The following ZC3H3 variants were observed in gnomAD, a reference collection of about 807,000 sequenced individuals.
The protein encoded by ZC3H3 is zinc finger CCCH-type containing 3, also known as zinc finger CCCH domain-containing protein 3.
In ZC3H3, 36 loss-of-function variants were observed where a neutral mutation model predicts 77.3. That is an observed-to-expected ratio of 0.47 (90% confidence interval 0.36 to 0.61). The LOEUF is 0.61. Ranked by LOEUF, ZC3H3 falls within the 20% of genes least tolerant of loss-of-function variation. The pLI, the probability that ZC3H3 is intolerant of heterozygous loss-of-function variation, is 0.00. For missense variants in ZC3H3, 1,331 were observed against 1,312.2 expected, an observed-to-expected ratio of 1.01 and a Z score of -0.22; for synonymous variants, 626 against 555.2, an observed-to-expected ratio of 1.13 and a Z score of -1.79.
At position 143,538,815 on chromosome 8, in the gene ZC3H3, A is replaced by G; in HGVS notation, c.552T>C (p.Ser184=). Residue 184 remains serine (S), a synonymous_variant, in exon 2 of 12, where the codon AGT becomes AGC. Transcript: ENST00000262577. ...GGCAGACCAGAAGAGGATCTTCCAC[A>G]CTGCAGGTCCCCCTGGCTCTTGTTG... is the stretch of plus-strand genomic sequence containing the variant. ...SRPTRARGTC[S]VEDPLLVCQK... is the part of the protein sequence containing the mutation. 2 of 1,612,282 alleles carry G rather than the reference A, an allele frequency of 1.2e-6. No homozygotes were observed. Among genetic ancestry groups the G allele is most frequent in the South Asian group, 1.1e-5 (1 of 91,026 alleles).
At chr8:143,463,879 C>G (rs557762880) in intron 9 of ZC3H3, among the ~76,000 whole-genome samples, 2 of 152,358 alleles carry the variant, frequency 1.3e-5, no homozygotes, top group South Asian at 2.1e-4. Context: ...CCGTGGCCCC[C>G]CAAAAGGGGA....
intron 5 of ZC3H3, among the ~76,000 whole-genome samples, chr8:143,473,066 G>A (rs1283382729): frequency 6.6e-6 from 1 of 152,210 alleles, no homozygotes; most frequent in African/African-American, 2.4e-5. Context: ...TCTCGCGTAC[G>A]TCAGGACATC....
intron 3 of ZC3H3, among the ~76,000 whole-genome samples, chr8:143,523,213 T>TGGACCACCTGGCC (rs1822306002): frequency 6.6e-6 from 1 of 152,152 alleles, no homozygotes; most frequent in African/African-American, 2.4e-5. Context: ...AGACCCTGGC[T>TGGACCACCTGGCC]GGACCACCTG....
chr8:143,486,279 C>A (rs1821050335), intron 4 of ZC3H3, among the ~76,000 whole-genome samples: 1 of 152,276 alleles, frequency 6.6e-6, no homozygotes, highest in African/African-American at 2.4e-5. Context: ...GGCTGCCTGG[C>A]TGCTGCCATG....
chr8:143,449,350 A>C (rs1819932171), intron 9 of ZC3H3, among the ~76,000 whole-genome samples: 1 of 152,208 alleles, frequency 6.6e-6, no homozygotes, highest in Non-Finnish European at 1.5e-5. Flanking sequence ...GCTTGAGGTC[A>C]TTTCTTTGCT....
At chr8:143,454,381 G>A (rs987317926) in intron 9 of ZC3H3, among the ~76,000 whole-genome samples, 3 of 150,956 alleles carry the variant, frequency 2.0e-5, no homozygotes, top group Non-Finnish European at 4.4e-5. Flanking sequence ...GTGAGCCATC[G>A]TGCCTGGCCA....
intron 9 of ZC3H3, among the ~76,000 whole-genome samples, chr8:143,457,048 C>CA (rs1820140664): frequency 6.6e-6 from 1 of 152,142 alleles, no homozygotes; most frequent in African/African-American, 2.4e-5. Context: ...AACTAGACCG[C>CA]AAATCATCAA....
rs1823010492 is a variant in ZC3H3 at position 143,541,371 on chromosome 8, C to T, written c.46+5G>A. 1.2e-6 allele frequency: 2 copies of T among 1,610,094 alleles called. No homozygotes were observed. Among genetic ancestry groups the T allele is most frequent in the Admixed American group, 3.3e-5 (2 of 59,918 alleles). On this transcript the variant is annotated splice_donor_5th_base_variant and intron_variant, in intron 1 of 11. Transcript: ENST00000262577. ...GACTCGCGTCCCGGCCCCGGCCGGA[C>T]CTACCCTGCAGTAGGCGGATCTGCC...
In ZC3H3 at chr8:143,538,693, G is replaced by T; in HGVS notation, c.674C>A (p.Ala225Asp). 6.2e-7 allele frequency: 1 copy of T among 1,608,150 alleles called. No homozygotes were observed. Residue 225 changes from alanine (A) to aspartate (D), a missense_variant, in exon 2 of 12, where the codon GCC becomes GAC. Coordinates refer to ENST00000262577, the MANE Select transcript of ZC3H3 (RefSeq NM_015117.3). The part of the protein sequence containing the change: ...PRRTVSESVI[A>D]VKASFPSSAL... ...GGAGGATGGGAAGCTCGCCTTGACG[G>T]CAATCACACTCTCACTGACTGTCCG...
intron 11 of ZC3H3, among the ~76,000 whole-genome samples, chr8:143,439,038 C>T (rs1819655913): frequency 6.6e-6 from 1 of 152,078 alleles, no homozygotes; most frequent in South Asian, 2.1e-4. Flanking sequence ...GCCCAAGGTG[C>T]ACACAGGACC....
chr8:143,522,656 C>T (rs770378051), intron 3 of ZC3H3, among the ~76,000 whole-genome samples: 7 of 151,994 alleles, frequency 4.6e-5, no homozygotes, highest in Non-Finnish European at 7.4e-5. Flanking sequence ...CAGTGGCTCA[C>T]GCCTGGAATC....
At chr8:143,523,604 G>T in intron 3 of ZC3H3, 3 of 917,464 alleles carry the variant, frequency 3.3e-6, no homozygotes, top group Non-Finnish European at 3.9e-6. Context: ...CAGGACATCC[G>T]TTTGAGGACC....
chr8:143,493,382 G>C lies in ZC3H3; in HGVS notation c.1715+14364C>G, dbSNP rs2129974621. On this transcript the variant is annotated intron_variant, in intron 4 of 11. Transcript: ENST00000262577. This position sits in a 1 kb window ranked among gnomAD's most constrained non-coding sequence, Gnocchi z 4.8. ...CATCCCAGCCTCGGTGTGGATGCGG[G>C]CTAGCTCAGGCCCTGGCAAGACTGG... 1.3e-5 allele frequency among the ~76,000 whole-genome samples: 2 copies of C among 152,344 alleles called. No homozygotes were observed. The highest frequency in any genetic ancestry group is 3.9e-4 in the East Asian group (2 of 5,192).
At chr8:143,481,904 C>A (rs938734919) in intron 4 of ZC3H3, among the ~76,000 whole-genome samples, 5 of 152,248 alleles carry the variant, frequency 3.3e-5, no homozygotes, top group Non-Finnish European at 5.9e-5. Flanking sequence ...AATGCCCAGG[C>A]CCTGAACATG....
At chr8:143,531,345 T>C (rs116950180) in intron 3 of ZC3H3, among the ~76,000 whole-genome samples, 2,212 of 152,176 alleles carry the variant, frequency 0.015, 32 homozygotes, top group Non-Finnish European at 0.025. Context: ...AGGGGCACAC[T>C]GACAGCAGAG....
intron 4 of ZC3H3, among the ~76,000 whole-genome samples, chr8:143,495,898 G>C (rs892632797): frequency 4.0e-5 from 6 of 151,876 alleles, no homozygotes; most frequent in African/African-American, 1.2e-4. Flanking sequence ...CACTGCGCCT[G>C]GTGATTCATT....
At chr8:143,442,260 A>T (rs1216478374) in intron 9 of ZC3H3, among the ~76,000 whole-genome samples, 5 of 151,252 alleles carry the variant, frequency 3.3e-5, no homozygotes, top group Non-Finnish European at 7.4e-5. Context: ...ACCCTCACTC[A>T]CTCATTCATT....
chr8:143,451,501 C>T (rs1281049317), intron 9 of ZC3H3, among the ~76,000 whole-genome samples: 1 of 152,052 alleles, frequency 6.6e-6, no homozygotes, highest in African/African-American at 2.4e-5. Flanking sequence ...GGAAAATAAG[C>T]CAAAACTGGC....
intron 4 of ZC3H3, among the ~76,000 whole-genome samples, chr8:143,488,497 T>C (rs1821106984): frequency 6.8e-6 from 1 of 146,078 alleles, no homozygotes; most frequent in African/African-American, 2.6e-5. Flanking sequence ...CAGCACCCGC[T>C]ACACGGCCCC....
Sources: gnomAD v4.1 joint callset for allele counts (sites outside exome capture counted in the v4.1 genomes callset) on GRCh38, gnomAD v4.1.1 for gene constraint, Gnocchi (gnomAD v3.1) non-coding constraint, MANE v1.5 for transcripts, NCBI Gene and HGNC (gene_info 2026-07-23, HGNC 2026-07-21) for gene names.